Variants in FAM216B observed in about 807,000 individuals in gnomAD.
FAM216B encodes protein FAM216B.
FAM216B carries 11 observed loss-of-function variants against 12.9 expected under a neutral mutation model. The ratio of observed to expected loss-of-function variants is 0.86; its 90% CI spans 0.54 to 1.42. The LOEUF (loss-of-function observed/expected upper bound fraction) is 1.42. Ranked by LOEUF, FAM216B falls within the 40% of genes most tolerant of loss-of-function variation. FAM216B has a pLI of 0.00. For synonymous variants in FAM216B, 52 were observed against 57.2 expected (o/e 0.91, Z 0.41); for missense variants, 167 against 162.9 (o/e 1.02, Z -0.14).
Position 42,788,727 on chromosome 13 carries a change from A to T in FAM216B, c.357A>T (p.Val119=), listed in dbSNP as rs1482396665. ...CCATGACAAGAAGATGTCCATCAGTACTACCTGTATCTGTGGTTCTACCTA... is the reference window on the plus strand; with the variant it reads ...CCATGACAAGAAGATGTCCATCAGTTCTACCTGTATCTGTGGTTCTACCTA... ...TSAMTRRCPS[V]LPVSVVLPRA... is the part of the protein sequence containing the mutation. The change falls in exon 4 of 4, where the codon GTA becomes GTT. Residue 119 remains valine (V), a synonymous_variant. Coordinates refer to ENST00000313851, the MANE Select transcript of FAM216B (RefSeq NM_001318932.2). The T allele has an allele frequency of 6.2e-7, 1 of 1,613,794 alleles. No individual in the cohort carries two copies. The highest frequency in any genetic ancestry group is 1.3e-5 in the African/African-American group (1 of 74,908).
At chr13:42,784,905 G>A (rs904218624) in intron 2 of FAM216B, among the ~76,000 whole-genome samples, 14 of 151,510 alleles carry the variant, frequency 9.2e-5, no homozygotes, top group African/African-American at 3.4e-4. Flanking sequence ...CTCAAGGAAG[G>A]ATCAACAACA....
At chr13:42,783,278 A>C (rs774746981) in intron 1 of FAM216B, among the ~76,000 whole-genome samples, 2 of 152,264 alleles carry the variant, frequency 1.3e-5, no homozygotes, top group African/African-American at 4.8e-5. Flanking sequence ...ACTGTGCTCC[A>C]GCCTGGATGA....
intron 1 of FAM216B, among the ~76,000 whole-genome samples, chr13:42,781,929 A>G (rs1873872001): frequency 6.6e-6 from 1 of 152,190 alleles, no homozygotes; most frequent in Non-Finnish European, 1.5e-5. Flanking sequence ...TGTTCTACAG[A>G]TCTGGAAAAT....
rs890899298 is a variant in FAM216B at position 42,790,116 on chromosome 13, A to T, written c.*1326A>T. The T allele has an allele frequency of 3.9e-5, 6 of 152,174 alleles. No individual in the cohort carries two copies. The highest frequency in any genetic ancestry group is 1.4e-4 in the African/African-American group (6 of 41,446). 9.4% of individuals were successfully genotyped at this position (152,174 alleles called of 1,614,324 possible). ...TCTGCAAATTCTGGCCCTGACATGT[A>T]TTCTAAATACCTTTACAGTTCTAAG... On this transcript the variant is annotated 3_prime_UTR_variant, in exon 4 of 4. Transcript: ENST00000313851.
Position 42,789,150 on chromosome 13 carries a change from A to G in FAM216B, c.*360A>G, listed in dbSNP as rs1053505848. Reference sequence around the variant, plus strand: ...ACTGGGTGACCATTTCTAGCAAACTATCATGTATACATTTTGAAAATATAC... The same window carrying G: ...ACTGGGTGACCATTTCTAGCAAACTGTCATGTATACATTTTGAAAATATAC... On this transcript the variant is annotated 3_prime_UTR_variant, in exon 4 of 4. Transcript: ENST00000313851. 6 of 173,912 alleles carry G rather than the reference A, an allele frequency of 3.5e-5. No individual in the cohort carries two copies. The highest frequency in any genetic ancestry group is 5.6e-5 in the Admixed American group (1 of 17,808). 10.8% of individuals were successfully genotyped at this position (173,912 alleles called of 1,614,324 possible). A position where few individuals can be genotyped will look rare whatever the true frequency, so the allele number is the denominator to read the frequency against.
intron 3 of FAM216B, 70 bp downstream of exon 3, chr13:42,786,953 C>G (rs1594549126): frequency 1.4e-5 from 22 of 1,586,942 alleles, no homozygotes; most frequent in Non-Finnish European, 1.8e-5. Flanking sequence ...GAAGTCGTTT[C>G]CAGATAAATA....
rs1874186716 is a variant in FAM216B, at chr13:42,788,668, G to A, written c.298G>A (p.Ala100Thr). The change falls in exon 4 of 4, where the codon GCT (alanine) becomes ACT (threonine). Residue 100 changes from alanine to threonine, a missense_variant. Ala to Thr is a moderately conservative substitution (Grantham distance 58). Coordinates refer to ENST00000313851, the MANE Select transcript of FAM216B (RefSeq NM_001318932.2). Reference sequence around the variant, plus strand: ...AACCAAGAGAGCCTCAGCCAAGGTAGCTCCTCAAAGAACCATTCCCCGGAA... The same window carrying A: ...AACCAAGAGAGCCTCAGCCAAGGTAACTCCTCAAAGAACCATTCCCCGGAA... Reference protein sequence around the residue: ...DSTKRASAKVAPQRTIPRKTS... With the variant: ...DSTKRASAKVTPQRTIPRKTS... The A allele has an allele frequency of 2.5e-6, 4 of 1,613,822 alleles. No individual in the cohort carries two copies. The highest frequency in any genetic ancestry group is 3.4e-6 in the Non-Finnish European group (4 of 1,179,894).
Position 42,790,860 on chromosome 13 carries a change from A to G in FAM216B, c.*2070A>G, listed in dbSNP as rs1450792877. The G allele has an allele frequency of 6.6e-6, 1 of 152,202 alleles. No homozygotes were observed. Among genetic ancestry groups the G allele is most frequent in the Admixed American group, 6.5e-5 (1 of 15,272 alleles). 9.4% of individuals were successfully genotyped at this position (152,202 alleles called of 1,614,324 possible). A position where few individuals can be genotyped will look rare whatever the true frequency, so the allele number is the denominator to read the frequency against. ...GAATGGCCCCCGGTTGCGGTAGGCA[A>G]TCAATAATACTCTTTGAATAATAAT... is the stretch of plus-strand genomic sequence containing the variant. On this transcript the variant is annotated 3_prime_UTR_variant, in exon 4 of 4. Transcript: ENST00000313851.
chr13:42,786,699 T>C, intron 2 of FAM216B, 64 bp from the exon 3 acceptor site: 1 of 1,522,528 alleles, frequency 6.6e-7, no homozygotes, highest in Non-Finnish European at 8.8e-7. Flanking sequence ...TTGCTTTGAG[T>C]ATCACAATTT....
Position 42,788,777 on chromosome 13 carries a change from T to A in FAM216B, c.407T>A (p.Val136Glu). The stretch of plus-strand genomic sequence containing the variant: ...AGGGCCCAAAGTAAAAGGCGCCAAG[T>A]GCTCAGGAACTGAGACTTGGCAGCA... ...LPRAQSKRRQ[V>E]LRN The change falls in exon 4 of 4, where the codon GTG (valine) becomes GAG (glutamate). Residue 136 changes from valine to glutamate, a missense_variant. Coordinates refer to ENST00000313851, the MANE Select transcript of FAM216B (RefSeq NM_001318932.2). The A allele has an allele frequency of 6.2e-7, 1 of 1,611,560 alleles. No homozygotes were observed. Among genetic ancestry groups the A allele is most frequent in the Non-Finnish European group, 8.5e-7 (1 of 1,178,708 alleles).
In FAM216B at chr13:42,790,854, T is replaced by G. The variant is rs1874290199; in HGVS notation, c.*2064T>G. On this transcript the variant is annotated 3_prime_UTR_variant, in exon 4 of 4. Transcript: ENST00000313851. ...CACCTAGAATGGCCCCCGGTTGCGGTAGGCAATCAATAATACTCTTTGAAT... is the reference window on the plus strand; with the variant it reads ...CACCTAGAATGGCCCCCGGTTGCGGGAGGCAATCAATAATACTCTTTGAAT... 1 of 152,192 alleles carries G rather than the reference T, an allele frequency of 6.6e-6. No homozygotes were observed. Among genetic ancestry groups the G allele is most frequent in the Admixed American group, 6.5e-5 (1 of 15,284 alleles). The allele number at this position is 152,192 out of a possible 1,614,324, so 9.4% of individuals were successfully genotyped here. A position where few individuals can be genotyped will look rare whatever the true frequency, so the allele number is the denominator to read the frequency against.
In FAM216B at chr13:42,788,920, T is replaced by C; in HGVS notation, c.*130T>C. 2 of 973,708 alleles carry C rather than the reference T, an allele frequency of 2.1e-6. No individual in the cohort carries two copies. The highest frequency in any genetic ancestry group is 3.3e-5 in the African/African-American group (2 of 60,896). 60.3% of individuals were successfully genotyped at this position (973,708 alleles called of 1,614,324 possible). ...AAACCCCAGACCTAAAAATAATCTCTGATTCATATAAATTTTGCCAGCAAG... is the reference window on the plus strand; with the variant it reads ...AAACCCCAGACCTAAAAATAATCTCCGATTCATATAAATTTTGCCAGCAAG... On this transcript the variant is annotated 3_prime_UTR_variant, in exon 4 of 4. Coordinates refer to ENST00000313851, the MANE Select transcript of FAM216B (RefSeq NM_001318932.2).
chr13:42,785,073 G>A (rs1874030819), intron 2 of FAM216B, among the ~76,000 whole-genome samples: 1 of 152,020 alleles, frequency 6.6e-6, no homozygotes, highest in Non-Finnish European at 1.5e-5. Context: ...TTGGAGTCCT[G>A]CTCTTGAAAT....
chr13:42,787,685 C>T (rs557477601), intron 3 of FAM216B, among the ~76,000 whole-genome samples: 1 of 152,354 alleles, frequency 6.6e-6, no homozygotes, highest in East Asian at 1.9e-4. Context: ...AATCTACTCA[C>T]TTGGCTTTAG....
At position 42,791,523 on chromosome 13, in the gene FAM216B, T is replaced by C. The variant is rs1594551757; in HGVS notation, c.*2733T>C. On this transcript the variant is annotated 3_prime_UTR_variant, in exon 4 of 4. Coordinates refer to ENST00000313851, the MANE Select transcript of FAM216B (RefSeq NM_001318932.2). ...TAAAACAATTTTTATGTATAATTTATATGCAATAAATGCCCTCAAAGTTCA... is the reference window on the plus strand; with the variant it reads ...TAAAACAATTTTTATGTATAATTTACATGCAATAAATGCCCTCAAAGTTCA... 1 of 152,260 alleles carries C rather than the reference T, an allele frequency of 6.6e-6. No homozygotes were observed. Among genetic ancestry groups the C allele is most frequent in the Non-Finnish European group, 1.5e-5 (1 of 68,046 alleles). 9.4% of individuals were successfully genotyped at this position (152,260 alleles called of 1,614,324 possible).
At position 42,790,158 on chromosome 13, in the gene FAM216B, A is replaced by T. The variant is rs899626553; in HGVS notation, c.*1368A>T. Reference sequence around the variant, plus strand: ...AGTTCTAAGTGAGAAATTGTTACATAGGCTTAGAAGAAGAAAAGACTCCAG... The same window carrying T: ...AGTTCTAAGTGAGAAATTGTTACATTGGCTTAGAAGAAGAAAAGACTCCAG... On this transcript the variant is annotated 3_prime_UTR_variant, in exon 4 of 4. Transcript: ENST00000313851. The T allele has an allele frequency of 6.6e-6, 1 of 152,158 alleles. No individual in the cohort carries two copies. Among genetic ancestry groups the T allele is most frequent in the African/African-American group, 2.4e-5 (1 of 41,440 alleles). The allele number at this position is 152,158 out of a possible 1,614,324, so 9.4% of individuals were successfully genotyped here.
Position 42,784,182 on chromosome 13 carries a change from T to TC in FAM216B, c.99+16_99+17insC. ...CTTACTAAAGGTATGGCTTTTTTTTTTTTTTTTTTTTCACAGATAGAGTGA... is the reference window on the plus strand; with the variant it reads ...CTTACTAAAGGTATGGCTTTTTTTTTCTTTTTTTTTTTCACAGATAGAGTGA... On this transcript the variant is annotated intron_variant, in intron 2 of 3. Coordinates refer to ENST00000313851, the MANE Select transcript of FAM216B (RefSeq NM_001318932.2). 6.5e-7 allele frequency: 1 copy of TC among 1,535,058 alleles called. No individual in the cohort carries two copies. Among genetic ancestry groups the TC allele is most frequent in the Non-Finnish European group, 8.7e-7 (1 of 1,144,374 alleles).
At chr13:42,787,217 G>A (rs1255633726) in intron 3 of FAM216B, among the ~76,000 whole-genome samples, 1 of 152,194 alleles carries the variant, frequency 6.6e-6, no homozygotes, top group Non-Finnish European at 1.5e-5. Flanking sequence ...CTTGCTGTGT[G>A]CAAACTCAGA....
chr13:42,783,973 G>T, intron 1 of FAM216B, 81 bp from the exon 2 acceptor site: 2 of 770,606 alleles, frequency 2.6e-6, no homozygotes, highest in Middle Eastern at 3.2e-4. Flanking sequence ...TCATTTACTT[G>T]CTTACTTATT....
Sources: gnomAD v4.1 joint callset for allele counts (sites outside exome capture counted in the v4.1 genomes callset) on GRCh38, gnomAD v4.1.1 for gene constraint, MANE v1.5 for transcripts, NCBI Gene and HGNC (gene_info 2026-07-23, HGNC 2026-07-21) for gene names.